Variants in TSPAN2 observed in about 807,000 individuals in gnomAD.
TSPAN2 encodes tetraspanin-2.
In TSPAN2, 24 loss-of-function variants were observed where a neutral mutation model predicts 33.3. The observed-to-expected ratio is 0.72, with a 90% CI of 0.52 to 1.01. TSPAN2 has a LOEUF of 1.01. Among genes scored for constraint, TSPAN2 ranks in the 50% least tolerant of loss-of-function variants. TSPAN2 has a pLI of 0.00. For missense variants in TSPAN2, 278 were observed against 281.3 expected (o/e 0.99, Z 0.08); for synonymous variants, 114 against 104.5 (o/e 1.09, Z -0.56).
intron 1 of TSPAN2, among the ~76,000 whole-genome samples, chr1:115,087,116 A>C (rs1457582306): frequency 6.6e-6 from 1 of 151,816 alleles, no homozygotes; most frequent in Non-Finnish European, 1.5e-5. Flanking sequence ...ATGAGGTTTC[A>C]TCATGTTGGC....
intron 1 of TSPAN2, among the ~76,000 whole-genome samples, chr1:115,085,075 G>A (rs1017069730): frequency 1.3e-5 from 2 of 152,138 alleles, no homozygotes; most frequent in Non-Finnish European, 1.5e-5. Context: ...CAACATATGC[G>A]GCTTGGTGGG....
chr1:115,072,646 C>A (rs1363980342), intron 2 of TSPAN2, among the ~76,000 whole-genome samples: 1 of 152,180 alleles, frequency 6.6e-6, no homozygotes, highest in Non-Finnish European at 1.5e-5. Flanking sequence ...CAGCCCCAGA[C>A]TCCCTTGATT....
intron 1 of TSPAN2, among the ~76,000 whole-genome samples, chr1:115,087,294 G>C (rs955800967): frequency 2.0e-4 from 30 of 151,930 alleles, no homozygotes; most frequent in African/African-American, 7.0e-4. Context: ...GAGAACCACT[G>C]GTTAATTGAA....
chr1:115,053,922 T>C (rs1001559194), intron 6 of TSPAN2, among the ~76,000 whole-genome samples: 2 of 152,228 alleles, frequency 1.3e-5, no homozygotes, highest in Non-Finnish European at 2.9e-5. Flanking sequence ...AACTAAAAAG[T>C]CTTAACAGGT....
intron 1 of TSPAN2, among the ~76,000 whole-genome samples, chr1:115,077,132 T>C (rs116573347): frequency 0.016 from 2,444 of 152,082 alleles, 30 homozygotes; most frequent in East Asian, 0.05. Context: ...TTGCCTAAGC[T>C]AGTCTCGAAC....
At chr1:115,084,851 C>A (rs1452693130) in intron 1 of TSPAN2, among the ~76,000 whole-genome samples, 1 of 152,118 alleles carries the variant, frequency 6.6e-6, no homozygotes, top group East Asian at 1.9e-4. Context: ...GTTAGGCATC[C>A]CCAAGTGAAA....
In TSPAN2 at chr1:115,049,875, T is replaced by C. The variant is rs1343867093; in HGVS notation, c.*615A>G. The C allele has an allele frequency of 1.3e-5, 2 of 152,644 alleles. No homozygotes were observed. The highest frequency in any genetic ancestry group is 4.8e-5 in the African/African-American group (2 of 41,450). The allele number at this position is 152,644 out of a possible 1,614,324, so 9.5% of individuals were successfully genotyped here. ...GAAAGCATGACTTATTCAAATTGGA[T>C]TTTCCATGCTATATTTAGTTTTACA... On this transcript the variant is annotated 3_prime_UTR_variant, in exon 8 of 8. Coordinates refer to ENST00000369516, the MANE Select transcript of TSPAN2 (RefSeq NM_005725.6).
chr1:115,066,080 C>T (rs550822615), intron 2 of TSPAN2, among the ~76,000 whole-genome samples: 1 of 152,286 alleles, frequency 6.6e-6, no homozygotes, highest in African/African-American at 2.4e-5. Context: ...GACAGGATTT[C>T]TTTCTTTTTA....
At chr1:115,051,869 T>C (rs1052425720) in intron 7 of TSPAN2, among the ~76,000 whole-genome samples, 5 of 152,148 alleles carry the variant, frequency 3.3e-5, no homozygotes, top group Admixed American at 1.3e-4. Context: ...AACTCTCACT[T>C]TACAGAGAAA....
At chr1:115,073,077 T>G in intron 1 of TSPAN2, 70 bp from the exon 2 acceptor site, 2 of 1,335,364 alleles carry the variant, frequency 1.5e-6, no homozygotes, top group South Asian at 2.4e-5. Context: ...GAGCAGGCTC[T>G]AGGCACAGGA....
chr1:115,065,120 C>T (rs778810284), intron 2 of TSPAN2, among the ~76,000 whole-genome samples: 2 of 152,134 alleles, frequency 1.3e-5, no homozygotes, highest in African/African-American at 2.4e-5. Flanking sequence ...TGTGTGGGCC[C>T]GTGACTCAGC....
chr1:115,056,379 T>C (rs1247522161), intron 6 of TSPAN2, among the ~76,000 whole-genome samples: 1 of 152,170 alleles, frequency 6.6e-6, no homozygotes, highest in Non-Finnish European at 1.5e-5. Context: ...CCTCAATCCA[T>C]CCCTCACAGC....
At chr1:115,061,385 T>C (rs1263622637) in intron 3 of TSPAN2, among the ~76,000 whole-genome samples, 4 of 152,244 alleles carry the variant, frequency 2.6e-5, no homozygotes, top group Non-Finnish European at 5.9e-5. Context: ...ATTGAAATTA[T>C]TTGATTTTTG....
intron 1 of TSPAN2, among the ~76,000 whole-genome samples, chr1:115,081,434 C>T (rs955026258): frequency 6.6e-6 from 1 of 152,184 alleles, no homozygotes; most frequent in Non-Finnish European, 1.5e-5. Flanking sequence ...GAATATCTGC[C>T]AACTGTTCTT....
intron 7 of TSPAN2, among the ~76,000 whole-genome samples, chr1:115,050,793 C>T (rs1321105): frequency 3.9e-4 from 60 of 152,030 alleles, no homozygotes; most frequent in Non-Finnish European, 7.6e-4. Context: ...TTTAAAAGAA[C>T]CTACCCTGCT....
At chr1:115,056,102 A>G (rs759525508) in intron 6 of TSPAN2, among the ~76,000 whole-genome samples, 43 of 152,230 alleles carry the variant, frequency 2.8e-4, no homozygotes, top group Admixed American at 6.5e-5. Context: ...AATGCTCACG[A>G]CATCACGTTT....
intron 2 of TSPAN2, among the ~76,000 whole-genome samples, chr1:115,072,048 G>A (rs1307825460): frequency 2.0e-5 from 3 of 152,160 alleles, no homozygotes; most frequent in Non-Finnish European, 4.4e-5. Flanking sequence ...ATATGGGGGT[G>A]CCACCTTTAA....
At chr1:115,067,232 C>A (rs1048387988) in intron 2 of TSPAN2, among the ~76,000 whole-genome samples, 8 of 152,182 alleles carry the variant, frequency 5.3e-5, no homozygotes, top group African/African-American at 1.9e-4. Flanking sequence ...ATGCTCTTAG[C>A]TAGAAATTGG....
intron 2 of TSPAN2, among the ~76,000 whole-genome samples, chr1:115,072,662 G>A (rs1425398070): frequency 1.3e-5 from 2 of 152,142 alleles, no homozygotes; most frequent in African/African-American, 2.4e-5. Context: ...TGATTTTGGA[G>A]AGCGGAGGAA....
Sources: allele counts gnomAD v4.1 joint callset (sites outside exome capture counted in the v4.1 genomes callset), GRCh38; gene constraint gnomAD v4.1.1; transcripts MANE v1.5; gene names NCBI Gene and HGNC (gene_info 2026-07-23, HGNC 2026-07-21).